ADGRA3: variants seen among roughly 807,000 people sequenced by gnomAD.
The protein encoded by ADGRA3 is G-protein coupled receptor 125.
A neutral mutation model predicts 119.8 loss-of-function variants in ADGRA3; 56 were observed. The observed-to-expected ratio is 0.47, with a 90% CI of 0.38 to 0.58. ADGRA3 has a LOEUF of 0.58. ADGRA3 is among the 20% of genes least tolerant of loss of function. The pLI is 0.00. For synonymous variants in ADGRA3, 607 were observed against 623.8 expected, an observed-to-expected ratio of 0.97 and a Z score of 0.40; for missense variants, 1,516 against 1,649.0, an observed-to-expected ratio of 0.92 and a Z score of 1.40.
intron 4 of ADGRA3, among the ~76,000 whole-genome samples, chr4:22,450,946 A>AT (rs1331211231): frequency 1.6e-3 from 229 of 139,490 alleles, no homozygotes; most frequent in Admixed American, 4.0e-3. Context: ...GAAAAAAAAA[A>AT]AAAAAATATA....
intron 13 of ADGRA3, 79 bp from the exon 14 acceptor site, chr4:22,413,469 G>A (rs1715299920): frequency 7.2e-7 from 1 of 1,393,840 alleles, no homozygotes; most frequent in Non-Finnish European, 1.0e-6. Context: ...ACAGTAATGG[G>A]TACTCTGCAA....
chr4:22,433,531 C>T (rs73112170), intron 10 of ADGRA3, among the ~76,000 whole-genome samples: 2,230 of 152,256 alleles, frequency 0.015, 47 homozygotes, highest in African/African-American at 0.051. Flanking sequence ...CAGTACAATG[C>T]TTCCACCTAA....
chr4:22,503,555 C>T (rs1341539589), intron 1 of ADGRA3, among the ~76,000 whole-genome samples: 2 of 152,212 alleles, frequency 1.3e-5, no homozygotes, highest in African/African-American at 4.8e-5. Context: ...CTGCTTTCTA[C>T]TATTCCACCC....
At chr4:22,438,700 T>G (rs554442153) in intron 7 of ADGRA3, among the ~76,000 whole-genome samples, 1 of 151,810 alleles carries the variant, frequency 6.6e-6, no homozygotes, top group Non-Finnish European at 1.5e-5. Context: ...CTTGCAGAAA[T>G]AGGGAGAGCA....
intron 3 of ADGRA3, among the ~76,000 whole-genome samples, chr4:22,460,771 G>A (rs1232271260): frequency 6.6e-6 from 1 of 152,202 alleles, no homozygotes; most frequent in Non-Finnish European, 1.5e-5. Flanking sequence ...TAGAAGGGTA[G>A]AGGGAAAATT....
intron 14 of ADGRA3, among the ~76,000 whole-genome samples, chr4:22,410,781 CAGT>C (rs1409080939): frequency 6.6e-6 from 1 of 152,106 alleles, no homozygotes; most frequent in Admixed American, 6.5e-5. Flanking sequence ...AACTCCCATG[CAGT>C]AACTTTAATT....
chr4:22,460,918 T>C (rs577516443), intron 3 of ADGRA3, among the ~76,000 whole-genome samples: 1 of 152,362 alleles, frequency 6.6e-6, no homozygotes, highest in South Asian at 2.1e-4. Flanking sequence ...ACAGTCCTCA[T>C]GGCTTTTGTG....
intron 2 of ADGRA3, among the ~76,000 whole-genome samples, chr4:22,467,076 G>C (rs947670953): frequency 7.2e-5 from 11 of 152,192 alleles, no homozygotes; most frequent in Non-Finnish European, 1.3e-4. Context: ...AAAGTAGACA[G>C]TCATGACATC....
chr4:22,471,605 G>C (rs1380686227), intron 2 of ADGRA3, among the ~76,000 whole-genome samples: 2 of 152,148 alleles, frequency 1.3e-5, no homozygotes, highest in Admixed American at 1.3e-4. Context: ...CTCCGGTCTG[G>C]ACCTTGATGT....
chr4:22,451,655 C>A (rs1429244023), intron 4 of ADGRA3, among the ~76,000 whole-genome samples: 2 of 151,656 alleles, frequency 1.3e-5, no homozygotes, highest in African/African-American at 4.8e-5. Context: ...AAGACTTGAT[C>A]AAAAATGATG....
chr4:22,515,257 C>T, intron 1 of ADGRA3: 1 of 283,472 alleles, frequency 3.5e-6, no homozygotes, highest in Non-Finnish European at 6.6e-6. Flanking sequence ...AGCCCAAAAG[C>T]GCTGCGCCGG....
intron 14 of ADGRA3, among the ~76,000 whole-genome samples, chr4:22,410,780 G>A (rs1715158057): frequency 6.6e-6 from 1 of 151,994 alleles, no homozygotes; most frequent in Non-Finnish European, 1.5e-5. Context: ...TAACTCCCAT[G>A]CAGTAACTTT....
intron 16 of ADGRA3, among the ~76,000 whole-genome samples, chr4:22,397,172 ATTCTTTTT>A (rs1478903603): frequency 3.5e-5 from 4 of 114,206 alleles, no homozygotes; most frequent in Non-Finnish European, 5.0e-5. Context: ...AACTACTGTA[ATTCTTTTT>A]TTTTTTTTTT....
At chr4:22,460,269 A>G (rs900971963) in intron 3 of ADGRA3, among the ~76,000 whole-genome samples, 4 of 152,224 alleles carry the variant, frequency 2.6e-5, no homozygotes, top group African/African-American at 9.6e-5. Context: ...GTAGCAGAAC[A>G]TGCCACCCAA....
At chr4:22,463,425 C>T (rs988766869) in intron 2 of ADGRA3, among the ~76,000 whole-genome samples, 1 of 152,138 alleles carries the variant, frequency 6.6e-6, no homozygotes, top group Admixed American at 6.5e-5. Flanking sequence ...ACAATTGCTC[C>T]GTCATGGCCA....
At chr4:22,506,290 T>G (rs891746847) in intron 1 of ADGRA3, among the ~76,000 whole-genome samples, 5 of 152,154 alleles carry the variant, frequency 3.3e-5, no homozygotes, top group African/African-American at 1.2e-4. Context: ...CAGTGGCTCA[T>G]GCCTGTAATC....
chr4:22,471,106 T>C (rs1717845387), intron 2 of ADGRA3, among the ~76,000 whole-genome samples: 1 of 152,160 alleles, frequency 6.6e-6, no homozygotes. Context: ...AGGAATAAAG[T>C]CTGCTCCTCC....
chr4:22,453,313 CA>C (rs1717127336), intron 4 of ADGRA3, among the ~76,000 whole-genome samples: 1 of 151,932 alleles, frequency 6.6e-6, no homozygotes, highest in African/African-American at 2.4e-5. Context: ...AGTTAAGAAG[CA>C]GTTAATTTAA....
rs1714175615 is a variant in ADGRA3 at position 22,392,542 on chromosome 4, T to C, written c.2627+3A>G. 1.2e-6 allele frequency: 2 copies of C among 1,613,174 alleles called. No individual in the cohort carries two copies. Among genetic ancestry groups the C allele is most frequent in the East Asian group, 2.2e-5 (1 of 44,880 alleles). On this transcript the variant is annotated splice_donor_region_variant and intron_variant, in intron 17 of 18. Transcript: ENST00000334304. ...CAATTAATACAACAAAGATATGAGA[T>C]ACCTGAGCATTGGTCTTGGTGGAGG...
Sources: allele counts gnomAD v4.1 joint callset (sites outside exome capture counted in the v4.1 genomes callset), GRCh38; gene constraint gnomAD v4.1.1; transcripts MANE v1.5; gene names NCBI Gene and HGNC (gene_info 2026-07-23, HGNC 2026-07-21).